RNF157: variants seen among roughly 807,000 people sequenced by gnomAD.
RNF157 encodes the protein E3 ubiquitin ligase RNF157.
Under a neutral mutation model 88.3 loss-of-function variants are expected in RNF157, and 55 were observed. The observed-to-expected ratio is 0.62, with a 90% confidence interval of 0.50 to 0.78. RNF157 has a LOEUF of 0.78. RNF157 is among the 30% of genes least tolerant of loss of function. The pLI, the probability that RNF157 is intolerant of heterozygous loss-of-function variation, is 0.00. For missense variants in RNF157, 788 were observed against 860.8 expected, an observed-to-expected ratio of 0.92 and a Z score of 1.06; for synonymous variants, 334 against 341.2, an observed-to-expected ratio of 0.98 and a Z score of 0.23.
intron 1 of RNF157, chr17:76,226,068 G>A: frequency 1.2e-6 from 2 of 1,604,006 alleles, no homozygotes; most frequent in East Asian, 4.5e-5. Flanking sequence ...CCTGGAGATG[G>A]GAGGCTCCTA....
intron 1 of RNF157, among the ~76,000 whole-genome samples, chr17:76,234,852 T>C (rs1025102074): frequency 3.9e-5 from 6 of 152,242 alleles, no homozygotes; most frequent in Admixed American, 1.3e-4. Flanking sequence ...ATTTTGGTGA[T>C]GTAAAGAATA....
intron 1 of RNF157, among the ~76,000 whole-genome samples, chr17:76,228,240 A>G (rs945505054): frequency 1.3e-5 from 2 of 152,220 alleles, no homozygotes; most frequent in Non-Finnish European, 2.9e-5. Flanking sequence ...CACAGCATTT[A>G]GAGAAAGGCA....
rs1175600191 is a variant in RNF157, at chr17:76,142,640, G to A, written c.*2595C>T. The A allele has an allele frequency of 6.6e-6, 1 of 152,352 alleles. No homozygotes were observed. The highest frequency in any genetic ancestry group is 1.5e-5 in the Non-Finnish European group (1 of 68,116). 9.4% of individuals were successfully genotyped at this position (152,352 alleles called of 1,614,324 possible). A position where few individuals can be genotyped will look rare whatever the true frequency, so the allele number is the denominator to read the frequency against. On this transcript the variant is annotated 3_prime_UTR_variant, in exon 19 of 19. Coordinates refer to ENST00000269391, the MANE Select transcript of RNF157 (RefSeq NM_052916.3). ...GCACACACCAGGTGTGCAGACCAAAGCAAAGTGAGCGACCAGCGTGCTAAA... is the reference window on the plus strand; with the variant it reads ...GCACACACCAGGTGTGCAGACCAAAACAAAGTGAGCGACCAGCGTGCTAAA...
Position 76,156,275 on chromosome 17 carries a change from G to A in RNF157, c.1460C>T (p.Ser487Phe). Residue 487 changes from serine to phenylalanine, a missense_variant, in exon 14 of 19, where the codon TCT (serine) becomes TTT (phenylalanine). Physicochemically the swap from Ser to Phe is radical, Grantham distance 155 (BLOSUM62 -2). Coordinates refer to ENST00000269391, the MANE Select transcript of RNF157 (RefSeq NM_052916.3). Reference protein sequence around the residue: ...PESENLTLSSSGAIDQSSCTG... With the variant: ...PESENLTLSSFGAIDQSSCTG... ...GCAAGACGACTGGTCAATAGCTCCA[G>A]ATGACGACAAGGTGAGATTCTCACT... The A allele has an allele frequency of 2.5e-6, 4 of 1,614,146 alleles. No individual in the cohort carries two copies. The highest frequency in any genetic ancestry group is 3.4e-6 in the Non-Finnish European group (4 of 1,180,010).
At chr17:76,191,921 T>A (rs533476615) in intron 2 of RNF157, among the ~76,000 whole-genome samples, 27 of 152,358 alleles carry the variant, frequency 1.8e-4, no homozygotes, top group African/African-American at 4.6e-4. Context: ...AATCAACTGT[T>A]AAGCTATTTG....
rs2070352442 is a variant in RNF157 at position 76,240,059 on chromosome 17, C to G, written c.88+94G>C. On this transcript the variant is annotated intron_variant, in intron 1 of 18. Transcript: ENST00000269391. This position sits in a 1 kb window ranked among gnomAD's most constrained non-coding sequence, Gnocchi z 4.4. ...GGAGCGTCCGCAACCACTGAGTCCC[C>G]GAAGACCCGCGGGGCCCCCTCAGGC... The G allele has an allele frequency of 1.6e-6, 1 of 640,612 alleles. No homozygotes were observed. Among genetic ancestry groups the G allele is most frequent in the Non-Finnish European group, 2.1e-6 (1 of 466,808 alleles). The allele number at this position is 640,612 out of a possible 1,614,324, so 39.7% of individuals were successfully genotyped here. A position where few individuals can be genotyped will look rare whatever the true frequency, so the allele number is the denominator to read the frequency against.
intron 2 of RNF157, among the ~76,000 whole-genome samples, chr17:76,206,323 C>A (rs546747975): frequency 3.9e-5 from 6 of 152,114 alleles, no homozygotes; most frequent in African/African-American, 9.7e-5. Flanking sequence ...ATTATCCCAA[C>A]AAAACAAGAT....
At position 76,159,458 on chromosome 17, in the gene RNF157, A is replaced by C. The variant is rs748302280; in HGVS notation, c.1181T>G (p.Leu394Arg). The change falls in exon 12 of 19, where the codon CTC becomes CGC. Residue 394 changes from leucine (L) to arginine (R), a missense_variant. Physicochemically the swap from Leu to Arg is moderately radical, Grantham distance 102. Transcript: ENST00000269391. ...PPLHVLGDGH[L>R]SGMLPSYGSD... The stretch of plus-strand genomic sequence containing the variant: ...GCCATATGAAGGGAGCATTCCTGAG[A>C]GGTGGCCATCTCCAAGCACGTGAAG... The C allele has an allele frequency of 6.2e-7, 1 of 1,611,876 alleles. No homozygotes were observed. The highest frequency in any genetic ancestry group is 8.5e-7 in the Non-Finnish European group (1 of 1,179,268).
In RNF157 at chr17:76,142,904, A is replaced by G. The variant is rs192712006; in HGVS notation, c.*2331T>C. The G allele has an allele frequency of 6.6e-6, 1 of 152,432 alleles. No individual in the cohort carries two copies. Among genetic ancestry groups the G allele is most frequent in the East Asian group, 1.9e-4 (1 of 5,190 alleles). The allele number at this position is 152,432 out of a possible 1,614,324, so 9.4% of individuals were successfully genotyped here. On this transcript the variant is annotated 3_prime_UTR_variant, in exon 19 of 19. Transcript: ENST00000269391. ...CAGCAGGAAGGAGCCCTGGGTCTCC[A>G]TAGTTAGGCTGTGCCCTGTGGGAGA... is the stretch of plus-strand genomic sequence containing the variant.
In RNF157 at chr17:76,173,732, T is replaced by C. The variant is rs151151678; in HGVS notation, c.266A>G (p.Asn89Ser). The change falls in exon 3 of 19, where the codon AAT becomes AGT. Residue 89 changes from asparagine to serine, a missense_variant. Transcript: ENST00000269391. ...GAGCCTCAGTGTGTCCTTTCGGATA[T>C]TGACCAGGCTTCTCAGAGTCTTCAC... ...EPVKTLRSLVNIRKDTLRLVK... is the reference protein window; with the variant it reads ...EPVKTLRSLVSIRKDTLRLVK... The C allele has an allele frequency of 3.0e-5, 49 of 1,610,554 alleles. No homozygotes were observed. Among genetic ancestry groups the C allele is most frequent in the East Asian group, 4.5e-5 (2 of 44,840 alleles).
At chr17:76,239,234 C>T (rs940354438) in intron 1 of RNF157, among the ~76,000 whole-genome samples, 2 of 152,074 alleles carry the variant, frequency 1.3e-5, no homozygotes, top group African/African-American at 4.8e-5. Context: ...AAGTAAACAC[C>T]GGCTAGGTCA....
At chr17:76,212,510 A>G (rs2145026800) in intron 1 of RNF157, 28 bp from the exon 2 acceptor site, 1 of 1,404,076 alleles carries the variant, frequency 7.1e-7, no homozygotes, top group East Asian at 2.3e-5. Flanking sequence ...AAAAAAATCA[A>G]ACAAGCAGAA....
intron 18 of RNF157, 149 bp from the exon 19 acceptor site, chr17:76,145,502 G>A (rs2068571466): frequency 3.3e-6 from 2 of 601,014 alleles, no homozygotes; most frequent in African/African-American, 3.7e-5. Context: ...CAGCACTCGT[G>A]TGTGAGAACG....
intron 1 of RNF157, among the ~76,000 whole-genome samples, chr17:76,217,460 G>A (rs2069908447): frequency 6.6e-6 from 1 of 152,064 alleles, no homozygotes; most frequent in South Asian, 2.1e-4. Flanking sequence ...TTTTCAGACT[G>A]AATAAAGCTT....
chr17:76,226,858 T>C, intron 1 of RNF157: 1 of 1,394,772 alleles, frequency 7.2e-7, no homozygotes, highest in East Asian at 2.3e-5. Flanking sequence ...AAGGTGTCTT[T>C]GTCGGTTACA....
intron 14 of RNF157, 144 bp downstream of exon 14, chr17:76,156,066 T>C (rs369332258): frequency 9.1e-6 from 6 of 661,052 alleles, no homozygotes; most frequent in Admixed American, 2.9e-5. Context: ...AAGCAAGTCC[T>C]CTTCCCTCTC....
Position 76,194,820 on chromosome 17 carries a change from C to A in RNF157, c.207+17544G>T, listed in dbSNP as rs577278216. Among the ~76,000 whole-genome samples, 102 of 152,104 alleles carry A rather than the reference C, an allele frequency of 6.7e-4. 1 individual carries two copies. Among genetic ancestry groups the A allele is most frequent in the Non-Finnish European group, 2.4e-4 (16 of 68,016 alleles). ...CACGAGGTCAGGAGATCGAGACCAT[C>A]CTGGCTAACATGGTGAAACCCCGTC... is the stretch of plus-strand genomic sequence containing the variant. On this transcript the variant is annotated intron_variant, in intron 2 of 18. Transcript: ENST00000269391.
chr17:76,161,303 G>A lies in RNF157; in HGVS notation c.1065+232C>T, dbSNP rs2068840800. 1.3e-5 allele frequency among the ~76,000 whole-genome samples: 2 copies of A among 152,092 alleles called. No individual in the cohort carries two copies. The highest frequency in any genetic ancestry group is 4.8e-5 in the African/African-American group (2 of 41,402). On this transcript the variant is annotated intron_variant, in intron 11 of 18. Coordinates refer to ENST00000269391, the MANE Select transcript of RNF157 (RefSeq NM_052916.3). This position sits in a 1 kb window ranked among gnomAD's most constrained non-coding sequence, Gnocchi z 4.6. ...ACTGCAAGCAGATGGCTCTAGGAATGGTAAACATTAACTGGACACCAAGTT... is the reference window on the plus strand; with the variant it reads ...ACTGCAAGCAGATGGCTCTAGGAATAGTAAACATTAACTGGACACCAAGTT...
At chr17:76,159,070 A>G (rs1291112399) in intron 12 of RNF157, among the ~76,000 whole-genome samples, 2 of 152,244 alleles carry the variant, frequency 1.3e-5, no homozygotes, top group South Asian at 2.1e-4. Context: ...AGTGTTCAAC[A>G]TCCTCTTCCC....
Sources: gnomAD v4.1 joint callset for allele counts (sites outside exome capture counted in the v4.1 genomes callset) on GRCh38, gnomAD v4.1.1 for gene constraint, Gnocchi (gnomAD v3.1) non-coding constraint, MANE v1.5 for transcripts, NCBI Gene and HGNC (gene_info 2026-07-23, HGNC 2026-07-21) for gene names.